Variants in PTPRN2 observed in about 807,000 individuals in gnomAD.
PTPRN2 encodes the protein protein tyrosine phosphatase receptor type N2.
PTPRN2 carries 74 observed loss-of-function variants against 118.8 expected under a neutral mutation model. The ratio of observed to expected loss-of-function variants is 0.62; its 90% confidence interval spans 0.52 to 0.76. The LOEUF (loss-of-function observed/expected upper bound fraction) is 0.76, where lower values mean the gene tolerates loss of function less well. PTPRN2 is among the 30% of genes least tolerant of loss of function. PTPRN2 has a pLI of 0.00. For synonymous variants in PTPRN2, 641 were observed against 608.0 expected, an observed-to-expected ratio of 1.05 and a Z score of -0.80; for missense variants, 1,481 against 1,394.4, an observed-to-expected ratio of 1.06 and a Z score of -0.99.
intron 6 of PTPRN2, among the ~76,000 whole-genome samples, chr7:158,149,624 G>A (rs555428403): frequency 1.3e-5 from 2 of 151,918 alleles, no homozygotes; most frequent in African/African-American, 4.8e-5. Context: ...CCAACATGGT[G>A]GAAACCCCAT....
chr7:157,800,053 C>A (rs1360410210), intron 12 of PTPRN2, among the ~76,000 whole-genome samples: 1 of 151,366 alleles, frequency 6.6e-6, no homozygotes, highest in African/African-American at 2.4e-5. Context: ...CCACAGCCGG[C>A]CTCCCCCATC....
chr7:158,048,132 T>C (rs953697484), intron 11 of PTPRN2, among the ~76,000 whole-genome samples: 4 of 149,988 alleles, frequency 2.7e-5, no homozygotes, highest in Admixed American at 6.6e-5. Context: ...CACATATGTA[T>C]ACACACACAC....
rs182160412 is a variant in PTPRN2 at position 158,054,752 on chromosome 7, G to A, written c.1723+26546C>T. On this transcript the variant is annotated intron_variant, in intron 11 of 22. Coordinates refer to ENST00000389418, the MANE Select transcript of PTPRN2 (RefSeq NM_002847.5). ...CCAAGTCCTGCCCATAGTGTGCCCCGTAGCACCGTCAGCCCTGCCTTCCAT... is the reference window on the plus strand; with the variant it reads ...CCAAGTCCTGCCCATAGTGTGCCCCATAGCACCGTCAGCCCTGCCTTCCAT... Among the ~76,000 whole-genome samples, 40 of 152,306 alleles carry A rather than the reference G, an allele frequency of 2.6e-4. 1 individual carries two copies. Among genetic ancestry groups the A allele is most frequent in the Admixed American group, 1.6e-3 (24 of 15,306 alleles).
chr7:158,097,008 G>A (rs899188455), intron 10 of PTPRN2, among the ~76,000 whole-genome samples: 1 of 152,114 alleles, frequency 6.6e-6, no homozygotes, highest in Non-Finnish European at 1.5e-5. Context: ...TATAGTCATC[G>A]AGGCCACAGG....
chr7:157,761,984 C>G (rs368049092), intron 12 of PTPRN2, among the ~76,000 whole-genome samples: 1 of 152,120 alleles, frequency 6.6e-6, no homozygotes, highest in African/African-American at 2.4e-5. Flanking sequence ...CCAAAAAACA[C>G]ATGAAAAAAG....
chr7:158,153,151 A>T (rs1821369779), intron 6 of PTPRN2, among the ~76,000 whole-genome samples: 1 of 152,182 alleles, frequency 6.6e-6, no homozygotes, highest in Admixed American at 6.5e-5. Context: ...TGGCCGGGGC[A>T]GTCTGAGGAG....
intron 12 of PTPRN2, among the ~76,000 whole-genome samples, chr7:157,815,748 T>G (rs1196100444): frequency 1.3e-5 from 2 of 152,154 alleles, no homozygotes; most frequent in African/African-American, 4.8e-5. Flanking sequence ...CAGACCACCC[T>G]TACAGCCTGC....
chr7:157,984,614 C>T (rs536924485), intron 11 of PTPRN2, among the ~76,000 whole-genome samples: 173 of 152,200 alleles, frequency 1.1e-3, no homozygotes, highest in Non-Finnish European at 1.0e-3. Flanking sequence ...CTGTTCCCGC[C>T]GCGCCCTCCA....
intron 12 of PTPRN2, among the ~76,000 whole-genome samples, chr7:157,721,087 C>T (rs1024386882): frequency 6.6e-6 from 1 of 152,062 alleles, no homozygotes; most frequent in Non-Finnish European, 1.5e-5. Context: ...TGTGCTCTGG[C>T]CTATTTTAGG....
chr7:158,420,842 G>T (rs1205176856), intron 2 of PTPRN2, among the ~76,000 whole-genome samples: 1 of 152,218 alleles, frequency 6.6e-6, no homozygotes, highest in Non-Finnish European at 1.5e-5. Flanking sequence ...TGACGGCTCG[G>T]AGTCAGTTTC....
chr7:157,794,552 C>A lies in PTPRN2; in HGVS notation c.1788+104121G>T, dbSNP rs1181991107. ...GCAATTATACAATAGGACTATCACC[C>A]TCACTGTCACTCTCCGCTTTGTTTA... is the stretch of plus-strand genomic sequence containing the variant. On this transcript the variant is annotated intron_variant, in intron 12 of 22. Transcript: ENST00000389418. This position sits in a 1 kb window ranked among gnomAD's most constrained non-coding sequence, Gnocchi z 5.2. 6.6e-6 allele frequency among the ~76,000 whole-genome samples: 1 copy of A among 152,368 alleles called. No individual in the cohort carries two copies. The highest frequency in any genetic ancestry group is 1.5e-5 in the Non-Finnish European group (1 of 68,042).
rs564550765 is a variant in PTPRN2 at position 157,801,076 on chromosome 7, T to TAC, written c.1788+97595_1788+97596dup. 1.7e-3 allele frequency among the ~76,000 whole-genome samples: 254 copies of TAC among 148,784 alleles called. 1 individual carries two copies. The highest frequency in any genetic ancestry group is 7.2e-3 in the Middle Eastern group (2 of 278). ...ATACACATATATATACACATATATATACACACACACACACATATATATATG... is the reference window on the plus strand; with the variant it reads ...ATACACATATATATACACATATATATACACACACACACACACATATATATATG... On this transcript the variant is annotated intron_variant, in intron 12 of 22. Transcript: ENST00000389418. The surrounding 1 kb of genome is among the most constrained non-coding windows in gnomAD (Gnocchi z 4.2).
intron 2 of PTPRN2, among the ~76,000 whole-genome samples, chr7:158,319,398 CCACACACACACACAGCCTCCCA>C (rs1563130994): frequency 8.4e-6 from 1 of 118,924 alleles, no homozygotes; most frequent in African/African-American, 3.4e-5. Context: ...ACACAGCCTC[CCACACACACACACAGCCTCCCA>C]CACACACACA....
intron 12 of PTPRN2, among the ~76,000 whole-genome samples, chr7:157,751,266 C>G (rs1801448509): frequency 6.6e-6 from 1 of 152,158 alleles, no homozygotes; most frequent in Non-Finnish European, 1.5e-5. Context: ...GAGAGACAGG[C>G]TCAATTCCAG....
At chr7:158,431,467 G>GCTCACACT (rs1563285403) in intron 2 of PTPRN2, among the ~76,000 whole-genome samples, 4 of 132,620 alleles carry the variant, frequency 3.0e-5, no homozygotes, top group South Asian at 2.5e-4. Context: ...ACACACACTG[G>GCTCACACT]GCACATACTG....
intron 9 of PTPRN2, among the ~76,000 whole-genome samples, chr7:158,133,104 G>T (rs943156260): frequency 1.3e-5 from 2 of 152,236 alleles, no homozygotes; most frequent in Admixed American, 6.5e-5. Flanking sequence ...TGAGGGCGGG[G>T]AAAGAGGCTC....
chr7:158,358,494 C>T (rs372680849), intron 2 of PTPRN2, among the ~76,000 whole-genome samples: 1 of 152,184 alleles, frequency 6.6e-6, no homozygotes, highest in Admixed American at 6.5e-5. Flanking sequence ...CAAAGAAATA[C>T]GTGTATGTAC....
chr7:157,920,949 G>A (rs1450665963), intron 11 of PTPRN2, among the ~76,000 whole-genome samples: 1 of 152,170 alleles, frequency 6.6e-6, no homozygotes, highest in Non-Finnish European at 1.5e-5. Flanking sequence ...TATATTATTA[G>A]TATATGACCC....
In PTPRN2 at chr7:158,138,333, C is replaced by T. The variant is rs770180790; in HGVS notation, c.1093G>A (p.Asp365Asn). ...CCACGGAGGGTGGCCTTGGGGCCAT[C>T]CGCCTGTTCTCCAGACTCTCCCAGG... is the stretch of plus-strand genomic sequence containing the variant. ...AALGESGEQA[D>N]GPKATLRGDS... Residue 365 changes from aspartate (D) to asparagine (N), a missense_variant, in exon 7 of 23, where the codon GAT becomes AAT. Physicochemically the swap from Asp to Asn is conservative, Grantham distance 23. Around this residue, in one of 3 missense-constraint regions of PTPRN2, gnomAD observed 1,115 missense variants for 994.2 expected, o/e 1.12. Transcript: ENST00000389418. The T allele has an allele frequency of 1.2e-6, 2 of 1,613,636 alleles. No homozygotes were observed. Among genetic ancestry groups the T allele is most frequent in the South Asian group, 1.1e-5 (1 of 91,086 alleles).
Sources: gnomAD v4.1 joint callset for allele counts (sites outside exome capture counted in the v4.1 genomes callset) on GRCh38, gnomAD v4.1.1 for gene constraint, gnomAD v4.1.1 regional missense constraint, Gnocchi (gnomAD v3.1) non-coding constraint, MANE v1.5 for transcripts, NCBI Gene and HGNC (gene_info 2026-07-23, HGNC 2026-07-21) for gene names.